Variants in FEZ2 observed in about 807,000 individuals in gnomAD.
The protein encoded by FEZ2 is fasciculation and elongation protein zeta 2, also known as fasciculation and elongation protein zeta-2.
A neutral mutation model predicts 40.4 loss-of-function variants in FEZ2; 51 were observed. The observed-to-expected ratio is 1.26, with a 90% CI of 1.01 to 1.59. FEZ2 has a LOEUF of 1.59. Ranked by LOEUF, FEZ2 falls within the 40% of genes most tolerant of loss-of-function variation. The pLI is 0.00. For synonymous variants in FEZ2, 242 were observed against 172.0 expected (o/e 1.41, Z -3.18); for missense variants, 640 against 438.3 (o/e 1.46, Z -4.11).
intron 1 of FEZ2, chr2:36,594,330 T>A (rs1669151707): frequency 6.4e-6 from 1 of 155,086 alleles, no homozygotes; most frequent in African/African-American, 2.4e-5. Context: ...CTACTGGTAC[T>A]AACTTACTAT....
chr2:36,595,541 C>T (rs78397636), intron 1 of FEZ2, among the ~76,000 whole-genome samples: 12,364 of 152,172 alleles, frequency 0.081, 1,102 homozygotes, highest in East Asian at 0.44. Context: ...ACAGATGAGG[C>T]TTTGCTCACT....
chr2:36,573,398 C>G (rs1165186211), intron 5 of FEZ2, among the ~76,000 whole-genome samples: 2 of 152,216 alleles, frequency 1.3e-5, no homozygotes, highest in African/African-American at 4.8e-5. Context: ...TTCTTGTATT[C>G]ATGAGAACTG....
intron 5 of FEZ2, among the ~76,000 whole-genome samples, chr2:36,577,076 G>C (rs370351679): frequency 6.6e-6 from 1 of 152,108 alleles, no homozygotes; most frequent in African/African-American, 2.4e-5. Flanking sequence ...GCAAAATAGT[G>C]TCCCTAATAT....
intron 5 of FEZ2, among the ~76,000 whole-genome samples, chr2:36,561,849 G>A (rs1323325024): frequency 6.6e-6 from 1 of 152,186 alleles, no homozygotes; most frequent in Non-Finnish European, 1.5e-5. Flanking sequence ...CAGGCCCCAA[G>A]GGGCAGAAGA....
intron 5 of FEZ2, among the ~76,000 whole-genome samples, chr2:36,567,736 T>C (rs564061109): frequency 1.3e-5 from 2 of 149,452 alleles, no homozygotes; most frequent in Admixed American, 1.3e-4. Context: ...CACTCCAGCC[T>C]GGGCAATAGA....
intron 5 of FEZ2, among the ~76,000 whole-genome samples, chr2:36,576,706 A>G (rs1176051642): frequency 2.0e-5 from 3 of 152,250 alleles, no homozygotes; most frequent in Non-Finnish European, 2.9e-5. Flanking sequence ...ATTATGAAAA[A>G]TATTTACTGT....
At chr2:36,591,282 G>A (rs1450311893) in intron 1 of FEZ2, 1 of 447,166 alleles carries the variant, frequency 2.2e-6, no homozygotes, top group African/African-American at 2.0e-5. Context: ...CATTATATTA[G>A]GTGCTAGGCA....
intron 1 of FEZ2, among the ~76,000 whole-genome samples, chr2:36,595,325 C>G (rs2148354171): frequency 6.6e-6 from 1 of 152,006 alleles, no homozygotes; most frequent in East Asian, 1.9e-4. Flanking sequence ...AGCTTGTTTT[C>G]CTGCAACTAG....
intron 5 of FEZ2, among the ~76,000 whole-genome samples, chr2:36,568,850 T>C (rs377390374): frequency 6.6e-6 from 1 of 152,172 alleles, no homozygotes; most frequent in Non-Finnish European, 1.5e-5. Flanking sequence ...TCAAAATCAG[T>C]CCTTATCTGG....
intron 1 of FEZ2, among the ~76,000 whole-genome samples, chr2:36,592,215 C>T (rs1300654602): frequency 3.9e-5 from 6 of 152,016 alleles, no homozygotes; most frequent in African/African-American, 1.2e-4. Flanking sequence ...GCTTTCTTTC[C>T]AAGTGTGTAA....
rs1236374827 is a variant in FEZ2 at position 36,597,984 on chromosome 2, G to C, written c.159C>G (p.Ser53Arg). 6.7e-7 allele frequency: 1 copy of C among 1,493,216 alleles called. No individual in the cohort carries two copies. Among genetic ancestry groups the C allele is most frequent in the Non-Finnish European group, 8.9e-7 (1 of 1,127,350 alleles). 92.5% of individuals were successfully genotyped at this position (1,493,216 alleles called of 1,614,324 possible). A position where few individuals can be genotyped will look rare whatever the true frequency, so the allele number is the denominator to read the frequency against. Residue 53 changes from serine (S) to arginine (R), a missense_variant, in exon 1 of 8, where the codon AGC (serine) becomes AGG (arginine). Coordinates refer to ENST00000405912, the MANE Select transcript of FEZ2 (RefSeq NM_005102.3). ...AGCACAGGCTCAGCTTCTCCTCCAA[G>C]CTGCAGGCCGGGGCCGGGAAACCGT... is the stretch of plus-strand genomic sequence containing the variant. ...GADGFPAPAC[S>R]LEEKLSLCFR...
In FEZ2 at chr2:36,552,886, T is replaced by C. The variant is rs1667853766; in HGVS notation, c.*277A>G. 7.6e-6 allele frequency: 3 copies of C among 392,442 alleles called. No individual in the cohort carries two copies. Among genetic ancestry groups the C allele is most frequent in the Non-Finnish European group, 1.4e-5 (3 of 220,796 alleles). 24.3% of individuals were successfully genotyped at this position (392,442 alleles called of 1,614,324 possible). ...ACTGTCAGTTAATGAGAAATACAACTGCACATGCACAATTAATATTACTCT... is the reference window on the plus strand; with the variant it reads ...ACTGTCAGTTAATGAGAAATACAACCGCACATGCACAATTAATATTACTCT... On this transcript the variant is annotated 3_prime_UTR_variant, in exon 8 of 8. Transcript: ENST00000405912.
intron 5 of FEZ2, among the ~76,000 whole-genome samples, chr2:36,565,197 T>C (rs1180628559): frequency 6.6e-6 from 1 of 152,222 alleles, no homozygotes; most frequent in African/African-American, 2.4e-5. Context: ...TTCACTTCCC[T>C]GGCTCAATTC....
intron 2 of FEZ2, chr2:36,590,005 T>TA (rs979636063): frequency 1.4e-5 from 2 of 142,394 alleles, no homozygotes; most frequent in Non-Finnish European, 3.1e-5. Context: ...TCATCAGATT[T>TA]AAAAAAGCTT....
chr2:36,571,930 G>A (rs1163506234), intron 5 of FEZ2, among the ~76,000 whole-genome samples: 4 of 149,598 alleles, frequency 2.7e-5, no homozygotes, highest in Non-Finnish European at 5.9e-5. Context: ...CAGGAGAATC[G>A]CTGGAACCGG....
At chr2:36,568,722 G>C (rs1388362197) in intron 5 of FEZ2, among the ~76,000 whole-genome samples, 1 of 152,174 alleles carries the variant, frequency 6.6e-6, no homozygotes, top group Non-Finnish European at 1.5e-5. Flanking sequence ...AAGTAATGTG[G>C]CAAGGACGGA....
intron 5 of FEZ2, among the ~76,000 whole-genome samples, chr2:36,560,091 A>G (rs953973934): frequency 1.2e-4 from 19 of 152,232 alleles, no homozygotes; most frequent in African/African-American, 4.1e-4. Flanking sequence ...TGAAAATTTC[A>G]TATAGTGAAA....
intron 5 of FEZ2, among the ~76,000 whole-genome samples, chr2:36,575,995 T>C (rs182315976): frequency 2.8e-4 from 43 of 152,330 alleles, no homozygotes; most frequent in Middle Eastern, 3.4e-3. Flanking sequence ...ACTTATGTTA[T>C]TGGAAAAACA....
intron 4 of FEZ2, among the ~76,000 whole-genome samples, chr2:36,581,053 G>C (rs1357458548): frequency 6.6e-6 from 1 of 152,190 alleles, no homozygotes; most frequent in Non-Finnish European, 1.5e-5. Context: ...TTGGGAGGCT[G>C]AGGCAGAATT....
Sources: allele counts gnomAD v4.1 joint callset (sites outside exome capture counted in the v4.1 genomes callset), GRCh38; gene constraint gnomAD v4.1.1; transcripts MANE v1.5; gene names NCBI Gene and HGNC (gene_info 2026-07-23, HGNC 2026-07-21).